The following RPSA2 variants were observed in gnomAD, a reference collection of about 807,000 sequenced individuals.
RPSA2 encodes ribosomal protein SA 2, also known as small ribosomal subunit protein uS2B.
chr19:23,792,803 G>A, the RPSA2 span, among the ~76,000 whole-genome samples: 969 of 152,046 alleles, frequency 6.4e-3, 13 homozygotes, highest in African/African-American at 0.022. Flanking sequence ...GTGAGCCACC[G>A]CGCCAGGCCA....
the RPSA2 span, among the ~76,000 whole-genome samples, chr19:23,794,385 C>A: frequency 1.3e-5 from 2 of 152,108 alleles, no homozygotes; most frequent in Non-Finnish European, 2.9e-5. Context: ...TTTTAATAGC[C>A]CTTCTCACTG....
chr19:23,839,194 C>T, the RPSA2 span, among the ~76,000 whole-genome samples: 1 of 152,136 alleles, frequency 6.6e-6, no homozygotes, highest in Admixed American at 6.5e-5. Flanking sequence ...GTTTTTAACG[C>T]AATGCTCATT....
chr19:23,803,419 A>G, the RPSA2 span, among the ~76,000 whole-genome samples: 1 of 152,154 alleles, frequency 6.6e-6, no homozygotes, highest in African/African-American at 2.4e-5. Context: ...TTTTAAAACC[A>G]TTGTTTGCAG....
At chr19:23,857,315 G>A in the RPSA2 span, among the ~76,000 whole-genome samples, 5 of 152,142 alleles carry the variant, frequency 3.3e-5, no homozygotes, top group South Asian at 2.1e-4. Context: ...AAGTAAGACA[G>A]GCATAAGAAA....
the RPSA2 span, chr19:23,831,853 CAAAA>C: frequency 3.6e-6 from 1 of 278,742 alleles, no homozygotes; most frequent in Admixed American, 4.2e-5. Flanking sequence ...TAAATTCAAA[CAAAA>C]AATAAGATAT....
chr19:23,794,740 TTCA>T, the RPSA2 span, among the ~76,000 whole-genome samples: 2 of 152,192 alleles, frequency 1.3e-5, no homozygotes, highest in African/African-American at 2.4e-5. Flanking sequence ...TTTTGGTATC[TTCA>T]TCATGAAATC....
chr19:23,848,969 G>T, the RPSA2 span, among the ~76,000 whole-genome samples: 1 of 152,188 alleles, frequency 6.6e-6, no homozygotes, highest in Non-Finnish European at 1.5e-5. Flanking sequence ...AGAATTCATT[G>T]TAACATTCAT....
At chr19:23,862,514 T>C in the RPSA2 span, among the ~76,000 whole-genome samples, 4 of 151,908 alleles carry the variant, frequency 2.6e-5, no homozygotes, top group African/African-American at 9.7e-5. Context: ...GGCTGTGGGT[T>C]TGTCATAGAT....
chr19:23,831,704 C>G, the RPSA2 span: 1 of 248,492 alleles, frequency 4.0e-6, no homozygotes, highest in South Asian at 6.7e-5. Context: ...TGATAATTTA[C>G]TGTTGAGAAA....
the RPSA2 span, among the ~76,000 whole-genome samples, chr19:23,835,995 T>A: frequency 2.0e-5 from 3 of 152,268 alleles, no homozygotes; most frequent in Admixed American, 6.5e-5. Context: ...GAATATATAT[T>A]TTTTTAATTT....
the RPSA2 span, chr19:23,832,357 C>T: frequency 4.1e-6 from 2 of 489,574 alleles, no homozygotes; most frequent in African/African-American, 2.0e-5. Context: ...CCTTACTGAA[C>T]ATAGGAGAGT....
the RPSA2 span, among the ~76,000 whole-genome samples, chr19:23,796,422 T>A: frequency 6.8e-6 from 1 of 146,772 alleles, no homozygotes; most frequent in African/African-American, 2.7e-5. Context: ...TTGGCCTGAT[T>A]TTTTTTTTTT....
the RPSA2 span, among the ~76,000 whole-genome samples, chr19:23,813,815 C>T: frequency 2.7e-5 from 4 of 148,810 alleles, no homozygotes; most frequent in East Asian, 2.1e-4. Context: ...CTCTGCCTCC[C>T]AGGTTCAAGC....
chr19:23,821,510 CA>C, the RPSA2 span, among the ~76,000 whole-genome samples: 1 of 152,210 alleles, frequency 6.6e-6, no homozygotes, highest in East Asian at 1.9e-4. Flanking sequence ...CTGCCTCCCC[CA>C]CTTCTAATGT....
the RPSA2 span, among the ~76,000 whole-genome samples, chr19:23,812,388 C>CTCTTTT: frequency 8.1e-4 from 93 of 114,182 alleles, 2 homozygotes; most frequent in East Asian, 2.6e-4. Context: ...CTCTTTTTCT[C>CTCTTTT]TTTTTTTTTT....
chr19:23,788,343 G>C, the RPSA2 span, among the ~76,000 whole-genome samples: 1 of 152,114 alleles, frequency 6.6e-6, no homozygotes, highest in African/African-American at 2.4e-5. Context: ...TTTTCTTCCT[G>C]GGTTGTCCTC....
the RPSA2 span, among the ~76,000 whole-genome samples, chr19:23,824,580 C>CTTTTTTTTTTTTT: frequency 1.0e-3 from 64 of 63,802 alleles, 2 homozygotes; most frequent in African/African-American, 3.5e-3. Context: ...TATAGCATTT[C>CTTTTTTTTTTTTT]TTTTTTTTTT....
At chr19:23,806,351 C>A in the RPSA2 span, among the ~76,000 whole-genome samples, 1 of 151,980 alleles carries the variant, frequency 6.6e-6, no homozygotes, top group Admixed American at 6.6e-5. Context: ...CAATGATACT[C>A]TAGATTTCTA....
the RPSA2 span, among the ~76,000 whole-genome samples, chr19:23,777,965 A>C: frequency 2.6e-5 from 4 of 152,176 alleles, no homozygotes; most frequent in Non-Finnish European, 4.4e-5. Flanking sequence ...ATAATAATAC[A>C]TATTGCTGGT....
Sources: gnomAD v4.1 joint callset for allele counts (sites outside exome capture counted in the v4.1 genomes callset) on GRCh38, gnomAD v4.1.1 for gene constraint, MANE v1.5 for transcripts, NCBI Gene and HGNC (gene_info 2026-07-23, HGNC 2026-07-21) for gene names.